Variants in PITPNC1 observed in about 807,000 individuals in gnomAD.
The protein encoded by PITPNC1 is cytoplasmic phosphatidylinositol transfer protein 1.
Under a neutral mutation model 44.7 loss-of-function variants are expected in PITPNC1, and 18 were observed. That is an observed-to-expected ratio of 0.40 (90% CI 0.28 to 0.60). The LOEUF is 0.60. PITPNC1 is among the 20% of genes least tolerant of loss of function. The pLI, the probability that PITPNC1 is intolerant of heterozygous loss-of-function variation, is 0.39. For synonymous variants in PITPNC1, 141 were observed against 149.6 expected (o/e 0.94, Z 0.42); for missense variants, 290 against 418.4 (o/e 0.69, Z 2.68).
chr17:67,458,826 A>G (rs2039292024), intron 1 of PITPNC1, among the ~76,000 whole-genome samples: 1 of 152,180 alleles, frequency 6.6e-6, no homozygotes, highest in African/African-American at 2.4e-5. Flanking sequence ...CATTGCTCAG[A>G]ACAATTTGCA....
chr17:67,486,665 C>T (rs118164372), intron 1 of PITPNC1, among the ~76,000 whole-genome samples: 2,898 of 152,170 alleles, frequency 0.019, 50 homozygotes, highest in Non-Finnish European at 0.028. Context: ...AGAAAGGTGA[C>T]GTTTTGAATC....
intron 5 of PITPNC1, among the ~76,000 whole-genome samples, chr17:67,593,709 A>G (rs1025530389): frequency 6.6e-6 from 1 of 152,098 alleles, no homozygotes. Flanking sequence ...GATTTTTTAT[A>G]TTCTTGATAT....
intron 5 of PITPNC1, among the ~76,000 whole-genome samples, chr17:67,620,862 A>G (rs2041820317): frequency 6.6e-6 from 1 of 152,208 alleles, no homozygotes; most frequent in South Asian, 2.1e-4. Context: ...TGGGGTTTCA[A>G]TTCCATTCTA....
intron 1 of PITPNC1, among the ~76,000 whole-genome samples, chr17:67,516,281 G>A (rs2040257179): frequency 6.6e-6 from 1 of 152,164 alleles, no homozygotes; most frequent in African/African-American, 2.4e-5. Context: ...GGAGATTAAT[G>A]CCTGAGTGCA....
intron 5 of PITPNC1, among the ~76,000 whole-genome samples, chr17:67,584,726 C>G (rs1410693492): frequency 6.6e-6 from 1 of 152,142 alleles, no homozygotes; most frequent in African/African-American, 2.4e-5. Flanking sequence ...GATTTTGTCT[C>G]AAGTGTCAAT....
intron 1 of PITPNC1, among the ~76,000 whole-genome samples, chr17:67,417,535 G>A (rs1463828791): frequency 6.6e-6 from 1 of 152,156 alleles, no homozygotes; most frequent in Non-Finnish European, 1.5e-5. Flanking sequence ...CAGCCTCCCT[G>A]AGTCTTCTCC....
intron 5 of PITPNC1, among the ~76,000 whole-genome samples, chr17:67,609,903 C>T (rs768343832): frequency 1.3e-5 from 2 of 152,102 alleles, no homozygotes; most frequent in African/African-American, 2.4e-5. Flanking sequence ...TTCTCCATTC[C>T]GGCTACCATG....
At chr17:67,680,239 T>G (rs968763473) in intron 8 of PITPNC1, among the ~76,000 whole-genome samples, 1 of 152,128 alleles carries the variant, frequency 6.6e-6, no homozygotes, top group Non-Finnish European at 1.5e-5. Context: ...TCCATCAGAT[T>G]TTCAGAGGAA....
At chr17:67,636,499 A>T (rs2042034804) in intron 6 of PITPNC1, among the ~76,000 whole-genome samples, 1 of 152,086 alleles carries the variant, frequency 6.6e-6, no homozygotes, top group Non-Finnish European at 1.5e-5. Context: ...CACATTCATC[A>T]TCCATTGTGT....
chr17:67,539,906 A>T (rs2040581813), intron 2 of PITPNC1, among the ~76,000 whole-genome samples: 1 of 152,166 alleles, frequency 6.6e-6, no homozygotes, highest in Non-Finnish European at 1.5e-5. Flanking sequence ...CTATTAAGAT[A>T]TACAATATGC....
In PITPNC1 at chr17:67,532,787, G is replaced by T; in HGVS notation, c.49-15G>T. 1 of 1,551,940 alleles carries T rather than the reference G, an allele frequency of 6.4e-7. No individual in the cohort carries two copies. The highest frequency in any genetic ancestry group is 1.2e-5 in the South Asian group (1 of 83,822). On this transcript the variant is annotated splice_polypyrimidine_tract_variant and intron_variant, in intron 1 of 8. Coordinates refer to ENST00000581322, the MANE Select transcript of PITPNC1 (RefSeq NM_012417.4). Reference sequence around the variant, plus strand: ...CTGTGGGGCTGACCTTTCTGTCTCTGACTCTGTTTTGTAGTACAAAATTGG... The same window carrying T: ...CTGTGGGGCTGACCTTTCTGTCTCTTACTCTGTTTTGTAGTACAAAATTGG...
intron 5 of PITPNC1, among the ~76,000 whole-genome samples, chr17:67,590,727 C>A (rs1001436991): frequency 1.3e-5 from 2 of 152,136 alleles, no homozygotes; most frequent in African/African-American, 4.8e-5. Context: ...CTTTAGCAGG[C>A]CGAGGTGGGT....
At chr17:67,683,278 A>G (rs554832331) in intron 8 of PITPNC1, among the ~76,000 whole-genome samples, 3 of 152,300 alleles carry the variant, frequency 2.0e-5, no homozygotes, top group South Asian at 4.1e-4. Context: ...AAATCAATCA[A>G]TAATAAAGAT....
chr17:67,507,898 A>G (rs1261600588), intron 1 of PITPNC1, among the ~76,000 whole-genome samples: 1 of 151,850 alleles, frequency 6.6e-6, no homozygotes, highest in East Asian at 1.9e-4. Flanking sequence ...GGCTTCACTG[A>G]CCATCTGAGT....
chr17:67,464,931 G>T (rs1469528756), intron 1 of PITPNC1, among the ~76,000 whole-genome samples: 2 of 152,114 alleles, frequency 1.3e-5, no homozygotes, highest in Non-Finnish European at 2.9e-5. Flanking sequence ...TAGAGATGGG[G>T]TTTCACTATG....
At chr17:67,661,751 C>A (rs1332807794) in intron 6 of PITPNC1, among the ~76,000 whole-genome samples, 1 of 152,204 alleles carries the variant, frequency 6.6e-6, no homozygotes, top group East Asian at 1.9e-4. Context: ...GTAATCCCAG[C>A]ACTTTGGGAG....
At chr17:67,413,696 A>G (rs1275753176) in intron 1 of PITPNC1, among the ~76,000 whole-genome samples, 1 of 152,130 alleles carries the variant, frequency 6.6e-6, no homozygotes, top group Non-Finnish European at 1.5e-5. Flanking sequence ...GGAATTGCAT[A>G]AAGAATTGAA....
intron 1 of PITPNC1, among the ~76,000 whole-genome samples, chr17:67,515,477 G>A (rs2040248337): frequency 6.6e-6 from 1 of 152,196 alleles, no homozygotes; most frequent in Admixed American, 6.5e-5. Context: ...AAAAGAAGTA[G>A]TATATATCAC....
intron 5 of PITPNC1, among the ~76,000 whole-genome samples, chr17:67,582,531 A>T (rs2041249268): frequency 6.6e-6 from 1 of 152,028 alleles, no homozygotes; most frequent in Non-Finnish European, 1.5e-5. Flanking sequence ...ACATGTTGTT[A>T]TCCTATTATC....
Sources: allele counts gnomAD v4.1 joint callset (sites outside exome capture counted in the v4.1 genomes callset), GRCh38; gene constraint gnomAD v4.1.1; transcripts MANE v1.5; gene names NCBI Gene and HGNC (gene_info 2026-07-23, HGNC 2026-07-21).